The following CCND2 variants were observed in gnomAD, a reference collection of about 807,000 sequenced individuals.
The protein encoded by CCND2 is G1/S-specific cyclin-D2.
In CCND2, 6 loss-of-function variants were observed where a neutral mutation model predicts 30.2. That is an observed-to-expected ratio of 0.20 (90% CI 0.11 to 0.39). The LOEUF (loss-of-function observed/expected upper bound fraction) is 0.39. Among genes scored for constraint, CCND2 ranks in the 10% least tolerant of loss-of-function variants. The pLI, the probability that CCND2 is intolerant of heterozygous loss-of-function variation, is 1.00. For missense variants in CCND2, 235 were observed against 373.4 expected (o/e 0.63, Z 3.06); for synonymous variants, 150 against 153.1 (o/e 0.98, Z 0.15).
rs149455238 is a variant in CCND2, at chr12:4,300,040, C to T, written c.*31C>T. ...CCAGTTGGGCCGAAAGAGAGAGACG[C>T]GTCCATAATCTGGTCTCTTCTTCTT... On this transcript the variant is annotated 3_prime_UTR_variant, in exon 5 of 5. Transcript: ENST00000261254. 697 of 1,595,854 alleles carry T rather than the reference C, an allele frequency of 4.4e-4. 3 individuals carry two copies. The African/African-American group carries it at 7.7e-3, about 18-fold the overall frequency.
rs1864244856 is a variant in CCND2, at chr12:4,301,275, G to T, written c.*1266G>T. ...ATTCCCATCTCTATACTTCTCCTTTGGACATGGAAAGAAAAGTTATTGCTG... is the reference window on the plus strand; with the variant it reads ...ATTCCCATCTCTATACTTCTCCTTTTGACATGGAAAGAAAAGTTATTGCTG... On this transcript the variant is annotated 3_prime_UTR_variant, in exon 5 of 5. Transcript: ENST00000261254. 1 of 233,282 alleles carries T rather than the reference G, an allele frequency of 4.3e-6. No individual in the cohort carries two copies. The highest frequency in any genetic ancestry group is 8.5e-6 in the Non-Finnish European group (1 of 118,012). 14.5% of individuals were successfully genotyped at this position (233,282 alleles called of 1,614,324 possible). A position where few individuals can be genotyped will look rare whatever the true frequency, so the allele number is the denominator to read the frequency against.
chr12:4,298,399 CTTTAT>C (rs946496797), intron 4 of CCND2, among the ~76,000 whole-genome samples: 2 of 152,154 alleles, frequency 1.3e-5, no homozygotes, highest in Non-Finnish European at 2.9e-5. Flanking sequence ...TTAGTTCCAG[CTTTAT>C]TTTGTTTATT....
Position 4,293,503 on chromosome 12 carries a change from C to T in CCND2, c.720+4513C>T, listed in dbSNP as rs545854761. Among the ~76,000 whole-genome samples the T allele has an allele frequency of 5.9e-5, 9 of 152,328 alleles. No individual in the cohort carries two copies. The highest frequency in any genetic ancestry group is 2.1e-4 in the South Asian group (1 of 4,828). On this transcript the variant is annotated intron_variant, in intron 4 of 4. Coordinates refer to ENST00000261254, the MANE Select transcript of CCND2 (RefSeq NM_001759.4). The surrounding 1 kb of genome is among the most constrained non-coding windows in gnomAD (Gnocchi z 4.9). ...CTGAGGTTTGGGCTTCAGTCGAACC[C>T]GTCACCCAGACAGTGTACACAGTAC...
intron 4 of CCND2, among the ~76,000 whole-genome samples, chr12:4,290,453 C>T (rs935897147): frequency 3.3e-5 from 5 of 152,322 alleles, no homozygotes; most frequent in Admixed American, 6.5e-5. Flanking sequence ...AGAAATGGTA[C>T]GCTTTCCTCC....
chr12:4,274,341 C>G lies in CCND2; in HGVS notation c.195+106C>G. On this transcript the variant is annotated intron_variant, in intron 1 of 4. Coordinates refer to ENST00000261254, the MANE Select transcript of CCND2 (RefSeq NM_001759.4). This position sits in a 1 kb window ranked among gnomAD's most constrained non-coding sequence, Gnocchi z 7.7. ...GAGGGCAATCCCCGCGCCGGCCTCCCGGCTCCTGTGCGGGAGTTTACCGCG... is the reference window on the plus strand; with the variant it reads ...GAGGGCAATCCCCGCGCCGGCCTCCGGGCTCCTGTGCGGGAGTTTACCGCG... The G allele has an allele frequency of 8.0e-7, 1 of 1,245,624 alleles. No individual in the cohort carries two copies. Among genetic ancestry groups the G allele is most frequent in the Admixed American group, 2.0e-5 (1 of 49,294 alleles). 77.2% of individuals were successfully genotyped at this position (1,245,624 alleles called of 1,614,324 possible).
chr12:4,284,069 T>C (rs1863988789), intron 3 of CCND2, among the ~76,000 whole-genome samples: 1 of 152,124 alleles, frequency 6.6e-6, no homozygotes, highest in African/African-American at 2.4e-5. Flanking sequence ...TGGGCGCCTT[T>C]CTCCTCATCC....
intron 3 of CCND2, among the ~76,000 whole-genome samples, chr12:4,280,900 C>T (rs927319877): frequency 5.3e-5 from 8 of 152,170 alleles, no homozygotes; most frequent in Admixed American, 1.3e-4. Flanking sequence ...TGGGCAGATC[C>T]CCAGATTCCG....
Position 4,301,944 on chromosome 12 carries a change from GTTT to G in CCND2, c.*1945_*1947del. ...TTTTTTTTTCTTTTTTGGTTTTTTG[GTTT>G]TTTTTTTTTCCTCTGATCACATTCT... is the stretch of plus-strand genomic sequence containing the variant. On this transcript the variant is annotated 3_prime_UTR_variant, in exon 5 of 5. Coordinates refer to ENST00000261254, the MANE Select transcript of CCND2 (RefSeq NM_001759.4). 5.0e-6 allele frequency: 1 copy of G among 199,618 alleles called. No homozygotes were observed. The highest frequency in any genetic ancestry group is 1.0e-5 in the Non-Finnish European group (1 of 100,262). 12.4% of individuals were successfully genotyped at this position (199,618 alleles called of 1,614,324 possible).
chr12:4,284,264 A>G (rs569518979), intron 3 of CCND2, among the ~76,000 whole-genome samples: 2 of 152,344 alleles, frequency 1.3e-5, no homozygotes, highest in African/African-American at 4.8e-5. Context: ...CAGCACTACA[A>G]CGTGGGTATT....
chr12:4,288,825 C>T lies in CCND2; in HGVS notation c.572-17C>T, dbSNP rs1864058281. On this transcript the variant is annotated splice_polypyrimidine_tract_variant and intron_variant, in intron 3 of 4. Coordinates refer to ENST00000261254, the MANE Select transcript of CCND2 (RefSeq NM_001759.4). Reference sequence around the variant, plus strand: ...ATTCGTTCTGTGCCCTGACCTTCTGCCTCTCATTCCTTGCAGACTTTAAGT... The same window carrying T: ...ATTCGTTCTGTGCCCTGACCTTCTGTCTCTCATTCCTTGCAGACTTTAAGT... The T allele has an allele frequency of 4.4e-6, 7 of 1,601,582 alleles. No homozygotes were observed. The highest frequency in any genetic ancestry group is 2.7e-5 in the African/African-American group (2 of 74,472).
Position 4,274,461 on chromosome 12 carries a change from T to C in CCND2, c.195+226T>C, listed in dbSNP as rs1017058507. Among the ~76,000 whole-genome samples the C allele has an allele frequency of 6.6e-6, 1 of 152,120 alleles. No individual in the cohort carries two copies. The highest frequency in any genetic ancestry group is 2.4e-5 in the African/African-American group (1 of 41,436). On this transcript the variant is annotated intron_variant, in intron 1 of 4. Coordinates refer to ENST00000261254, the MANE Select transcript of CCND2 (RefSeq NM_001759.4). This position sits in a 1 kb window ranked among gnomAD's most constrained non-coding sequence, Gnocchi z 7.7. ...GGAAAATCTGGGAGAAGCGAGGCTG[T>C]CCTGGGCGGGGGTAGGGGAGCATCC... is the stretch of plus-strand genomic sequence containing the variant.
rs3217793 is a variant in CCND2 at position 4,276,658 on chromosome 12, C to T, written c.411+438C>T. 3.4e-4 allele frequency among the ~76,000 whole-genome samples: 52 copies of T among 152,294 alleles called. No homozygotes were observed. The highest frequency in any genetic ancestry group is 1.2e-3 in the South Asian group (6 of 4,826). The stretch of plus-strand genomic sequence containing the variant: ...AAACTTGGAGTTCAAAGGTAATGCC[C>T]TCTATATCTACAAAGTCTCAAGATA... On this transcript the variant is annotated intron_variant, in intron 2 of 4. Transcript: ENST00000261254. This position sits in a 1 kb window ranked among gnomAD's most constrained non-coding sequence, Gnocchi z 4.8.
In CCND2 at chr12:4,301,950, T is replaced by A. The variant is rs1394416594; in HGVS notation, c.*1941T>A. ...TTTCTTTTTTGGTTTTTTGGTTTTT[T>A]TTTTTTCCTCTGATCACATTCTTCA... On this transcript the variant is annotated 3_prime_UTR_variant, in exon 5 of 5. Coordinates refer to ENST00000261254, the MANE Select transcript of CCND2 (RefSeq NM_001759.4). 4.3e-6 allele frequency: 1 copy of A among 232,852 alleles called. No individual in the cohort carries two copies. The highest frequency in any genetic ancestry group is 6.0e-5 in the East Asian group (1 of 16,548). 14.4% of individuals were successfully genotyped at this position (232,852 alleles called of 1,614,324 possible).
chr12:4,289,212 G>A (rs1864063349), intron 4 of CCND2: 1 of 278,610 alleles, frequency 3.6e-6, no homozygotes, highest in South Asian at 5.8e-5. Context: ...CAGATGAAGG[G>A]GGTGGGGGTG....
intron 3 of CCND2, among the ~76,000 whole-genome samples, chr12:4,279,393 TC>T (rs1437680820): frequency 2.7e-5 from 4 of 148,314 alleles, no homozygotes; most frequent in East Asian, 2.2e-4. Context: ...CCAAAGAAAT[TC>T]TTTTTTTTTT....
chr12:4,297,590 A>AG lies in CCND2; in HGVS notation c.721-2270_721-2269insG, dbSNP rs1565438139. Among the ~76,000 whole-genome samples, 942 of 150,936 alleles carry AG rather than the reference A, an allele frequency of 6.2e-3. 14 individuals carry two copies. The highest frequency in any genetic ancestry group is 0.022 in the African/African-American group (898 of 40,874). On this transcript the variant is annotated intron_variant, in intron 4 of 4. Coordinates refer to ENST00000261254, the MANE Select transcript of CCND2 (RefSeq NM_001759.4). ...TGTCTCAAAAAAAAAAAAAAAAAAAAAAAAAAACAGAAAAGAAAAGAAACA... is the reference window on the plus strand; with the variant it reads ...TGTCTCAAAAAAAAAAAAAAAAAAAAGAAAAAAACAGAAAAGAAAAGAAACA...
chr12:4,288,797 C>T, intron 3 of CCND2, 45 bp from the exon 4 acceptor site: 1 of 1,568,796 alleles, frequency 6.4e-7, no homozygotes, highest in Non-Finnish European at 8.7e-7. Flanking sequence ...CTCCAGGATC[C>T]AAATTCGTTC....
rs1863955205 is a variant in CCND2 at position 4,282,020 on chromosome 12, T to C, written c.571+3101T>C. Among the ~76,000 whole-genome samples, 1 of 152,152 alleles carries C rather than the reference T, an allele frequency of 6.6e-6. No individual in the cohort carries two copies. The highest frequency in any genetic ancestry group is 1.5e-5 in the Non-Finnish European group (1 of 68,012). On this transcript the variant is annotated intron_variant, in intron 3 of 4. Transcript: ENST00000261254. This position sits in a 1 kb window ranked among gnomAD's most constrained non-coding sequence, Gnocchi z 4.3. ...TTCCTGTTCCTGGAGTTTCCAAAAC[T>C]GGGGAAGCAGAACTGAGCCATAGCT...
chr12:4,281,118 C>T (rs1565433086), intron 3 of CCND2, among the ~76,000 whole-genome samples: 1 of 152,180 alleles, frequency 6.6e-6, no homozygotes, highest in East Asian at 1.9e-4. Flanking sequence ...TAGGAAAGGA[C>T]ACCCCCAAAC....
Sources: allele counts gnomAD v4.1 joint callset (sites outside exome capture counted in the v4.1 genomes callset), GRCh38; gene constraint gnomAD v4.1.1; non-coding constraint Gnocchi (gnomAD v3.1); transcripts MANE v1.5; gene names NCBI Gene and HGNC (gene_info 2026-07-23, HGNC 2026-07-21).